The following TRHDE variants were observed in gnomAD, a reference collection of about 807,000 sequenced individuals.
TRHDE encodes thyrotropin releasing hormone degrading enzyme.
A neutral mutation model predicts 125.7 loss-of-function variants in TRHDE; 72 were observed. The observed-to-expected ratio is 0.57, with a 90% CI of 0.47 to 0.70. The LOEUF (loss-of-function observed/expected upper bound fraction) is 0.70. Among genes scored for constraint, TRHDE ranks in the 30% least tolerant of loss-of-function variants. TRHDE has a pLI of 0.00. For synonymous variants in TRHDE, 509 were observed against 509.1 expected, an observed-to-expected ratio of 1.00 and a Z score of 0.00; for missense variants, 1,110 against 1,327.1, an observed-to-expected ratio of 0.84 and a Z score of 2.54.
At chr12:72,453,808 C>T (rs1381180949) in intron 3 of TRHDE, among the ~76,000 whole-genome samples, 2 of 152,130 alleles carry the variant, frequency 1.3e-5, no homozygotes, top group Non-Finnish European at 2.9e-5. Context: ...TCAAAGGGGC[C>T]CGGGTACAGC....
chr12:72,274,308 G>T (rs976918872), intron 1 of TRHDE, among the ~76,000 whole-genome samples: 1 of 152,190 alleles, frequency 6.6e-6, no homozygotes, highest in East Asian at 1.9e-4. Context: ...CCAAGCGGTG[G>T]GAAAGCTAGT....
rs147883667 is a variant in TRHDE at position 72,284,329 on chromosome 12, T to A, written c.915-2352T>A. Among the ~76,000 whole-genome samples the A allele has an allele frequency of 4.4e-3, 666 of 152,198 alleles. 6 individuals carry two copies. Among genetic ancestry groups the A allele is most frequent in the African/African-American group, 0.015 (637 of 41,530 alleles). On this transcript the variant is annotated intron_variant, in intron 1 of 18. Transcript: ENST00000261180. ...CAGATATTTCGAAGTTAAAAGGGAG[T>A]AACTTCGACTCATAAATAAAATCCC...
chr12:72,471,256 G>A (rs890322311), intron 4 of TRHDE, among the ~76,000 whole-genome samples: 1 of 152,148 alleles, frequency 6.6e-6, no homozygotes, highest in African/African-American at 2.4e-5. Context: ...TCTCTGAGGT[G>A]TGTTCCTCAT....
intron 5 of TRHDE, among the ~76,000 whole-genome samples, chr12:72,496,429 A>G (rs377012228): frequency 7.9e-5 from 12 of 152,320 alleles, no homozygotes; most frequent in African/African-American, 2.9e-4. Flanking sequence ...ACATGGCGGC[A>G]GGCAAGTGAG....
chr12:72,617,839 A>G (rs1872884674), intron 12 of TRHDE, among the ~76,000 whole-genome samples: 2 of 152,182 alleles, frequency 1.3e-5, no homozygotes. Context: ...CCTCTTTAAT[A>G]AGGGCACTAA....
intron 2 of TRHDE, among the ~76,000 whole-genome samples, chr12:72,173,676 G>C (rs1876926419): frequency 6.6e-6 from 1 of 152,136 alleles, no homozygotes; most frequent in Admixed American, 6.6e-5. Context: ...TAAACTTAAA[G>C]AGTTACAAGA....
chr12:72,401,759 G>T (rs1431070817), intron 3 of TRHDE, among the ~76,000 whole-genome samples: 1 of 152,146 alleles, frequency 6.6e-6, no homozygotes, highest in African/African-American at 2.4e-5. Context: ...GAGGAACCAC[G>T]ACCATTTGGA....
In TRHDE at chr12:72,446,902, C is replaced by A. The variant is rs537163813; in HGVS notation, c.1316-22856C>A. 3.9e-5 allele frequency among the ~76,000 whole-genome samples: 6 copies of A among 152,164 alleles called. No homozygotes were observed. In the East Asian group the frequency reaches 1.2e-3, roughly 29 times the overall value. ...AGACCTACAAAGAGACTTAGACTCC[C>A]ACACAATAATAATGGAAGACTTTAA... On this transcript the variant is annotated intron_variant, in intron 3 of 18. Transcript: ENST00000261180.
At chr12:72,433,176 GA>G (rs1198191442) in intron 3 of TRHDE, among the ~76,000 whole-genome samples, 1 of 151,840 alleles carries the variant, frequency 6.6e-6, no homozygotes, top group East Asian at 1.9e-4. Flanking sequence ...TAATCATTTT[GA>G]TTTGTTTCAG....
At chr12:72,377,205 T>C (rs1871927631) in intron 2 of TRHDE, among the ~76,000 whole-genome samples, 2 of 152,134 alleles carry the variant, frequency 1.3e-5, no homozygotes, top group Admixed American at 1.3e-4. Flanking sequence ...GAAAGAAAGA[T>C]GCTAGATAGC....
chr12:72,501,479 A>G (rs904031734), intron 6 of TRHDE, among the ~76,000 whole-genome samples: 4 of 152,052 alleles, frequency 2.6e-5, no homozygotes, highest in Non-Finnish European at 5.9e-5. Flanking sequence ...GTTTGTTAAT[A>G]TGGTGAATTA....
intron 2 of TRHDE, among the ~76,000 whole-genome samples, chr12:72,175,528 T>A (rs1407072763): frequency 6.6e-6 from 1 of 152,098 alleles, no homozygotes; most frequent in Non-Finnish European, 1.5e-5. Context: ...GAGGAAAAAA[T>A]GAAGCAGAGC....
At chr12:72,295,125 G>T (rs1313882647) in intron 2 of TRHDE, among the ~76,000 whole-genome samples, 1 of 149,834 alleles carries the variant, frequency 6.7e-6, no homozygotes, top group Non-Finnish European at 1.5e-5. Context: ...CAGCTGTGGT[G>T]GGGGGTGGCT....
intron 6 of TRHDE, among the ~76,000 whole-genome samples, chr12:72,527,998 T>A (rs913481546): frequency 2.0e-5 from 3 of 152,174 alleles, no homozygotes; most frequent in Non-Finnish European, 4.4e-5. Flanking sequence ...TATCTGACAC[T>A]AAAACTTTAT....
intron 1 of TRHDE, among the ~76,000 whole-genome samples, chr12:72,281,992 T>C (rs1381741065): frequency 6.6e-6 from 1 of 152,238 alleles, no homozygotes; most frequent in Non-Finnish European, 1.5e-5. Flanking sequence ...TAATTTATTT[T>C]AGATAGAAGA....
intron 12 of TRHDE, among the ~76,000 whole-genome samples, chr12:72,598,093 AGAAAAG>A (rs1335134363): frequency 6.6e-6 from 1 of 152,120 alleles, no homozygotes; most frequent in Non-Finnish European, 1.5e-5. Context: ...TGGCAAAAAA[AGAAAAG>A]GAAAACAAAG....
At chr12:72,245,645 A>G (rs969357791) in intron 2 of TRHDE, among the ~76,000 whole-genome samples, 4 of 152,080 alleles carry the variant, frequency 2.6e-5, no homozygotes, top group Non-Finnish European at 5.9e-5. Flanking sequence ...TTATACATCT[A>G]TGTACATGGA....
chr12:72,375,221 A>G (rs1055376442), intron 2 of TRHDE, among the ~76,000 whole-genome samples: 2 of 152,172 alleles, frequency 1.3e-5, no homozygotes, highest in Non-Finnish European at 2.9e-5. Context: ...TCCACATAGT[A>G]TGAACCTCTT....
At chr12:72,635,468 T>C (rs1873700241) in intron 15 of TRHDE, among the ~76,000 whole-genome samples, 2 of 152,190 alleles carry the variant, frequency 1.3e-5, no homozygotes, top group African/African-American at 4.8e-5. Flanking sequence ...TTCACTCTGA[T>C]GGTAGTTTCT....
Sources: gnomAD v4.1 joint callset for allele counts (sites outside exome capture counted in the v4.1 genomes callset) on GRCh38, gnomAD v4.1.1 for gene constraint, MANE v1.5 for transcripts, NCBI Gene and HGNC (gene_info 2026-07-23, HGNC 2026-07-21) for gene names.